Variants in NMT2 observed in about 807,000 individuals in gnomAD.
The protein encoded by NMT2 is N-myristoyltransferase 2.
A neutral mutation model predicts 65.4 loss-of-function variants in NMT2; 35 were observed. That is an observed-to-expected ratio of 0.54 (90% CI 0.41 to 0.71). The LOEUF (loss-of-function observed/expected upper bound fraction) is 0.71, where lower values mean the gene tolerates loss of function less well. Among genes scored for constraint, NMT2 ranks in the 30% least tolerant of loss-of-function variants. NMT2 has a pLI of 0.00. For missense variants in NMT2, 489 were observed against 611.3 expected, an observed-to-expected ratio of 0.80 and a Z score of 2.11; for synonymous variants, 226 against 231.8, an observed-to-expected ratio of 0.98 and a Z score of 0.23.
At chr10:15,113,041 C>T in intron 9 of NMT2, 78 bp from the exon 10 acceptor site, 1 of 1,423,646 alleles carries the variant, frequency 7.0e-7, no homozygotes, top group Non-Finnish European at 9.8e-7. Context: ...TCTGTTCTCT[C>T]CCTTGCCCCA....
rs546304470 is a variant in NMT2 at position 15,154,567 on chromosome 10, A to G, written c.111-13010T>C. 2.6e-5 allele frequency among the ~76,000 whole-genome samples: 4 copies of G among 152,232 alleles called. No homozygotes were observed. The South Asian group carries it at 6.2e-4, about 24-fold the overall frequency. ...CACAAAGGTATTTTTCCTTTTTCACAATTTTATGGGTAGATTATTATTATT... is the reference window on the plus strand; with the variant it reads ...CACAAAGGTATTTTTCCTTTTTCACGATTTTATGGGTAGATTATTATTATT... On this transcript the variant is annotated intron_variant, in intron 1 of 11. Coordinates refer to ENST00000378165, the MANE Select transcript of NMT2 (RefSeq NM_004808.3).
At chr10:15,138,526 G>A (rs1285421369) in intron 2 of NMT2, 5 of 468,488 alleles carry the variant, frequency 1.1e-5, no homozygotes, top group African/African-American at 2.0e-5. Flanking sequence ...TATATAAGAG[G>A]CAGGTATATT....
chr10:15,158,626 G>A (rs1173094068), intron 1 of NMT2, among the ~76,000 whole-genome samples: 1 of 152,196 alleles, frequency 6.6e-6, no homozygotes, highest in East Asian at 1.9e-4. Context: ...CTGTCTCCAT[G>A]CACACAATCT....
chr10:15,147,094 TCAAAAAAAAAAAAAAAAAAAAA>T (rs1846990424), intron 1 of NMT2, among the ~76,000 whole-genome samples: 1 of 21,218 alleles, frequency 4.7e-5, no homozygotes, highest in African/African-American at 1.9e-4. Context: ...CCTCTCGCTC[TCAAAAAAAAAAAAAAAAAAAAA>T]AAAAAAAAAA....
chr10:15,119,127 C>T (rs765235512), intron 9 of NMT2, among the ~76,000 whole-genome samples: 31 of 152,246 alleles, frequency 2.0e-4, no homozygotes, highest in Non-Finnish European at 4.0e-4. Context: ...TTCCTCAACA[C>T]CACACCCTCA....
intron 1 of NMT2, among the ~76,000 whole-genome samples, chr10:15,152,929 G>C (rs901862213): frequency 2.0e-5 from 3 of 152,186 alleles, no homozygotes; most frequent in African/African-American, 7.2e-5. Flanking sequence ...CTGTGTACTA[G>C]CACAAAAGAC....
At chr10:15,152,008 A>G (rs1325718669) in intron 1 of NMT2, among the ~76,000 whole-genome samples, 2 of 152,258 alleles carry the variant, frequency 1.3e-5, no homozygotes, top group Non-Finnish European at 2.9e-5. Flanking sequence ...CCTGGGTGAC[A>G]GAGTAAAACT....
In NMT2 at chr10:15,108,593, G is replaced by C; in HGVS notation, c.*602C>G. ...ACAAACTTGCATGTTTATTGATTCG[G>C]CAACTCTGCTTATGGAGAAATACAT... On this transcript the variant is annotated 3_prime_UTR_variant, in exon 12 of 12. Coordinates refer to ENST00000378165, the MANE Select transcript of NMT2 (RefSeq NM_004808.3). The C allele has an allele frequency of 6.1e-6, 6 of 985,868 alleles. No homozygotes were observed. Among genetic ancestry groups the C allele is most frequent in the Non-Finnish European group, 7.2e-6 (6 of 830,338 alleles). 61.1% of individuals were successfully genotyped at this position (985,868 alleles called of 1,614,324 possible). A position where few individuals can be genotyped will look rare whatever the true frequency, so the allele number is the denominator to read the frequency against.
chr10:15,167,408 C>A (rs1317141266), intron 1 of NMT2, among the ~76,000 whole-genome samples: 3 of 152,184 alleles, frequency 2.0e-5, no homozygotes, highest in African/African-American at 4.8e-5. Flanking sequence ...TTTCAATGAT[C>A]AATCATTTCA....
At chr10:15,140,675 G>A (rs1846721568) in intron 2 of NMT2, among the ~76,000 whole-genome samples, 1 of 152,126 alleles carries the variant, frequency 6.6e-6, no homozygotes, top group Admixed American at 6.6e-5. Context: ...GAGCCACCGT[G>A]CCTGGCTGGT....
intron 8 of NMT2, 127 bp from the exon 9 acceptor site, chr10:15,119,640 G>T (rs1196159286): frequency 4.3e-6 from 3 of 700,240 alleles, no homozygotes; most frequent in Non-Finnish European, 7.3e-6. Context: ...TAGAGCTGCA[G>T]AGCCTGGCCC....
At chr10:15,123,728 T>C (rs993133727) in intron 8 of NMT2, among the ~76,000 whole-genome samples, 1 of 152,080 alleles carries the variant, frequency 6.6e-6, no homozygotes, top group African/African-American at 2.4e-5. Flanking sequence ...TTCCAGTAAA[T>C]AAGAAAAATC....
intron 6 of NMT2, among the ~76,000 whole-genome samples, chr10:15,130,797 T>TC (rs1477928922): frequency 6.8e-6 from 1 of 146,358 alleles, no homozygotes; most frequent in African/African-American, 2.5e-5. Context: ...TTTTTTTTTT[T>TC]TTTTTTTTTT....
chr10:15,153,104 C>T (rs563594848), intron 1 of NMT2, among the ~76,000 whole-genome samples: 89 of 151,786 alleles, frequency 5.9e-4, no homozygotes, highest in African/African-American at 1.9e-3. Context: ...AGAGAGGAGT[C>T]TCTGAGTGGA....
At chr10:15,136,169 T>C (rs1326775863) in intron 2 of NMT2, among the ~76,000 whole-genome samples, 3 of 146,916 alleles carry the variant, frequency 2.0e-5, no homozygotes, top group Admixed American at 6.9e-5. Context: ...TGCAGTGAGC[T>C]GAGATCGCGC....
rs774222143 is a variant in NMT2, at chr10:15,141,520, T to G, written c.148A>C (p.Lys50Gln). ...TTCTCCTTTTTTCTCTTCTGTTTCT[T>G]CTTTTTCTTTTTGGCTCCCAAATAC... ...GGYLGAKKKK[K>Q]KQKRKKEKPN... is the part of the protein sequence containing the mutation. Residue 50 changes from lysine to glutamine, a missense_variant, in exon 2 of 12, where the codon AAG becomes CAG. Lys to Gln is a moderately conservative substitution (Grantham distance 53). Coordinates refer to ENST00000378165, the MANE Select transcript of NMT2 (RefSeq NM_004808.3). 1 of 1,614,160 alleles carries G rather than the reference T, an allele frequency of 6.2e-7. No individual in the cohort carries two copies. Among genetic ancestry groups the G allele is most frequent in the South Asian group, 1.1e-5 (1 of 91,074 alleles).
At chr10:15,114,004 A>G (rs886112858) in intron 9 of NMT2, among the ~76,000 whole-genome samples, 1 of 152,162 alleles carries the variant, frequency 6.6e-6, no homozygotes, top group Non-Finnish European at 1.5e-5. Flanking sequence ...CACTGCTAGT[A>G]TTTCTTTCAG....
intron 1 of NMT2, among the ~76,000 whole-genome samples, chr10:15,165,827 G>A (rs555123778): frequency 9.4e-5 from 14 of 148,588 alleles, no homozygotes; most frequent in East Asian, 2.0e-4. Context: ...GCAGTGAGCC[G>A]AGATTGCACC....
At chr10:15,141,082 T>C in intron 2 of NMT2, 1 of 1,467,616 alleles carries the variant, frequency 6.8e-7, no homozygotes, top group Non-Finnish European at 9.3e-7. Context: ...GAATATCTTC[T>C]GAACGAAAAG....
Sources: allele counts gnomAD v4.1 joint callset (sites outside exome capture counted in the v4.1 genomes callset), GRCh38; gene constraint gnomAD v4.1.1; transcripts MANE v1.5; gene names NCBI Gene and HGNC (gene_info 2026-07-23, HGNC 2026-07-21).